Variants in TRPC1 observed in about 807,000 individuals in gnomAD.
TRPC1 encodes the protein transient receptor potential cation channel subfamily C member 1, also known as short transient receptor potential channel 1.
TRPC1 carries 42 observed loss-of-function variants against 88.2 expected under a neutral mutation model. The ratio of observed to expected loss-of-function variants is 0.48; its 90% CI spans 0.37 to 0.62. The LOEUF is 0.62. Ranked by LOEUF, TRPC1 falls within the 20% of genes least tolerant of loss-of-function variation. TRPC1 has a pLI of 0.00. For synonymous variants in TRPC1, 288 were observed against 331.8 expected, an observed-to-expected ratio of 0.87 and a Z score of 1.43; for missense variants, 699 against 957.3, an observed-to-expected ratio of 0.73 and a Z score of 3.56.
At chr3:142,772,382 A>C (rs1223572510) in intron 4 of TRPC1, among the ~76,000 whole-genome samples, 2 of 151,872 alleles carry the variant, frequency 1.3e-5, no homozygotes, top group Non-Finnish European at 2.9e-5. Context: ...AGCTTGCATA[A>C]TCTGTATTGA....
chr3:142,745,168 T>C (rs1305549912), intron 3 of TRPC1, among the ~76,000 whole-genome samples: 1 of 150,042 alleles, frequency 6.7e-6, no homozygotes, highest in African/African-American at 2.4e-5. Flanking sequence ...ATCCAAAGCA[T>C]CAGAAATATC....
intron 7 of TRPC1, among the ~76,000 whole-genome samples, chr3:142,789,686 G>A (rs539749456): frequency 7.9e-5 from 12 of 152,152 alleles, no homozygotes; most frequent in Non-Finnish European, 1.2e-4. Flanking sequence ...ATGAAGGAAT[G>A]TACCATAAAA....
intron 2 of TRPC1, among the ~76,000 whole-genome samples, chr3:142,738,084 T>A (rs1004554522): frequency 6.6e-6 from 1 of 152,222 alleles, no homozygotes; most frequent in Non-Finnish European, 1.5e-5. Flanking sequence ...TGCTTTCATA[T>A]ACTTGATCAC....
At chr3:142,788,894 G>T (rs1367624393) in intron 7 of TRPC1, among the ~76,000 whole-genome samples, 1 of 152,086 alleles carries the variant, frequency 6.6e-6, no homozygotes. Context: ...TTTTGTGGGG[G>T]TATTGCAGAG....
At position 142,743,555 on chromosome 3, in the gene TRPC1, G is replaced by A. The variant is rs971022230; in HGVS notation, c.398G>A (p.Arg133Gln). The A allele has an allele frequency of 3.3e-6, 5 of 1,522,720 alleles. No homozygotes were observed. The highest frequency in any genetic ancestry group is 2.5e-5 in the South Asian group (2 of 81,582). 94.3% of individuals were successfully genotyped at this position (1,522,720 alleles called of 1,614,324 possible). ...GCTGTTGATATACTACTTAATCATC[G>A]ACCAAAACGATCATCAAGACCAACT... ...VGAVDILLNH[R>Q]PKRSSRPTIV... The change falls in exon 3 of 13, where the codon CGA becomes CAA. Residue 133 changes from arginine to glutamine, a missense_variant. By Grantham distance (43) the Arg-to-Gln change is conservative. This residue lies in a region of TRPC1 where 426 missense variants were observed against 641.3 expected (regional missense o/e 0.66). Transcript: ENST00000476941.
At chr3:142,763,959 A>AATATATATATATATATATGTAT (rs1935280253) in intron 4 of TRPC1, among the ~76,000 whole-genome samples, 1 of 76,316 alleles carries the variant, frequency 1.3e-5, no homozygotes, top group Non-Finnish European at 2.5e-5. Flanking sequence ...AAAAAAAAGA[A>AATATATATATATATATATGTAT]ATATATATAT....
intron 4 of TRPC1, among the ~76,000 whole-genome samples, chr3:142,766,487 A>G (rs998858157): frequency 2.0e-5 from 3 of 149,224 alleles, no homozygotes; most frequent in Admixed American, 6.8e-5. Flanking sequence ...TGCAACTTCC[A>G]CATCCTGGGT....
intron 4 of TRPC1, among the ~76,000 whole-genome samples, chr3:142,769,615 T>C (rs900521051): frequency 3.3e-5 from 5 of 152,220 alleles, no homozygotes; most frequent in African/African-American, 4.8e-5. Flanking sequence ...TTTATTTTCC[T>C]TCTGATTTAT....
At chr3:142,734,920 A>G (rs1934065238) in intron 1 of TRPC1, among the ~76,000 whole-genome samples, 1 of 152,262 alleles carries the variant, frequency 6.6e-6, no homozygotes, top group African/African-American at 2.4e-5. Context: ...ATGTTGAAAT[A>G]GAGTCACCTG....
Position 142,747,339 on chromosome 3 carries a change from T to C in TRPC1, c.430-919T>C, listed in dbSNP as rs1344524998. Among the ~76,000 whole-genome samples, 4 of 130,756 alleles carry C rather than the reference T, an allele frequency of 3.1e-5. No homozygotes were observed. In the East Asian group the frequency reaches 8.1e-4, roughly 27 times the overall value. The allele number at this position is 130,756 out of a possible 152,430, so 85.8% of individuals were successfully genotyped here. On this transcript the variant is annotated intron_variant, in intron 3 of 12. Transcript: ENST00000476941. ...AAGTATATACACTACTTTTATAATA[T>C]TGCAAAAAAAAAGTAAGTATTAGAA...
chr3:142,802,348 A>T lies in TRPC1; in HGVS notation c.1757+4A>T. ...AAAGCAATGATACCTTCCATTCGTG[A>T]GTATCTTTTAAATGTTTTAGTAAAT... On this transcript the variant is annotated splice_donor_region_variant and intron_variant, in intron 10 of 12. Transcript: ENST00000476941. 1 of 1,385,916 alleles carries T rather than the reference A, an allele frequency of 7.2e-7. No homozygotes were observed. Among genetic ancestry groups the T allele is most frequent in the Non-Finnish European group, 9.4e-7 (1 of 1,064,172 alleles). The allele number at this position is 1,385,916 out of a possible 1,614,324, so 85.9% of individuals were successfully genotyped here. A position where few individuals can be genotyped will look rare whatever the true frequency, so the allele number is the denominator to read the frequency against.
chr3:142,768,807 C>T (rs1224329291), intron 4 of TRPC1, among the ~76,000 whole-genome samples: 2 of 151,950 alleles, frequency 1.3e-5, no homozygotes, highest in Non-Finnish European at 1.5e-5. Flanking sequence ...AAGTTGATAT[C>T]GACTTAAAAC....
rs1441314374 is a variant in TRPC1, at chr3:142,763,983, T to TATATATATATATATATATATACAC, written c.633-13648_633-13647insTATATATATATATATATATACACA. On this transcript the variant is annotated intron_variant, in intron 4 of 12. Transcript: ENST00000476941. Reference sequence around the variant, plus strand: ...AAATATATATATATATATATATATATACACATACATACATACATATATATA... The same window carrying TATATATATATATATATATATACAC: ...AAATATATATATATATATATATATATATATATATATATATATATATACACACACATACATACATACATATATATA... 4.7e-3 allele frequency among the ~76,000 whole-genome samples: 346 copies of TATATATATATATATATATATACAC among 74,114 alleles called. 6 individuals carry two copies. The highest frequency in any genetic ancestry group is 8.4e-3 in the African/African-American group (131 of 15,536). The allele number at this position is 74,114 out of a possible 152,430, so 48.6% of individuals were successfully genotyped here.
At chr3:142,727,072 T>C (rs1053264520) in intron 1 of TRPC1, among the ~76,000 whole-genome samples, 2 of 152,238 alleles carry the variant, frequency 1.3e-5, no homozygotes, top group Non-Finnish European at 2.9e-5. Context: ...TGTAGGTGAA[T>C]GAGTGAACAT....
At chr3:142,797,359 C>T (rs1365864474) in intron 9 of TRPC1, among the ~76,000 whole-genome samples, 1 of 151,974 alleles carries the variant, frequency 6.6e-6, no homozygotes, top group Non-Finnish European at 1.5e-5. Flanking sequence ...AGTTTAAAGG[C>T]ACCACATACA....
intron 5 of TRPC1, among the ~76,000 whole-genome samples, chr3:142,780,002 C>G (rs1310608382): frequency 6.6e-6 from 1 of 151,990 alleles, no homozygotes; most frequent in Non-Finnish European, 1.5e-5. Flanking sequence ...CACCTGCCAC[C>G]ATGCCTGACT....
At chr3:142,804,708 A>G in intron 12 of TRPC1, 78 bp downstream of exon 12, 2 of 1,408,710 alleles carry the variant, frequency 1.4e-6, no homozygotes, top group Middle Eastern at 2.0e-4. Context: ...AAGCGTAAGT[A>G]TGCAGGTTCC....
chr3:142,760,611 C>G (rs1380367732), intron 4 of TRPC1, among the ~76,000 whole-genome samples: 3 of 152,246 alleles, frequency 2.0e-5, no homozygotes, highest in East Asian at 3.9e-4. Context: ...TTCTATTTCT[C>G]TGAAGAATGT....
At chr3:142,785,081 G>A (rs1936089324) in intron 7 of TRPC1, 41 bp downstream of exon 7, 1 of 1,491,836 alleles carries the variant, frequency 6.7e-7, no homozygotes, top group Non-Finnish European at 8.9e-7. Flanking sequence ...TCTTTATTTA[G>A]CCCACTGATT....
Sources: allele counts gnomAD v4.1 joint callset (sites outside exome capture counted in the v4.1 genomes callset), GRCh38; gene constraint gnomAD v4.1.1; regional missense constraint gnomAD v4.1.1; transcripts MANE v1.5; gene names NCBI Gene and HGNC (gene_info 2026-07-23, HGNC 2026-07-21).